Variants in FHIT observed in about 807,000 individuals in gnomAD.
The protein encoded by FHIT is bis(5'-adenosyl)-triphosphatase.
In FHIT, 19 loss-of-function variants were observed where a neutral mutation model predicts 17.9. The observed-to-expected ratio is 1.06, with a 90% CI of 0.74 to 1.56. FHIT has a LOEUF of 1.56. Among genes scored for constraint, FHIT ranks in the 40% most tolerant of loss-of-function variants. The probability of loss-of-function intolerance (pLI) is 0.00; values close to 1 mark genes in which losing one functional copy is unlikely to be tolerated. For synonymous variants in FHIT, 81 were observed against 69.7 expected (o/e 1.16, Z -0.81); for missense variants, 248 against 189.2 (o/e 1.31, Z -1.82).
At chr3:60,102,804 G>A (rs1016548655) in intron 5 of FHIT, among the ~76,000 whole-genome samples, 2 of 151,992 alleles carry the variant, frequency 1.3e-5, no homozygotes, top group East Asian at 1.9e-4. Flanking sequence ...GAATGTGCAG[G>A]ATAATTTTCA....
intron 5 of FHIT, among the ~76,000 whole-genome samples, chr3:60,328,351 GAA>G (rs1709801713): frequency 6.6e-6 from 1 of 152,174 alleles, no homozygotes; most frequent in Non-Finnish European, 1.5e-5. Flanking sequence ...TACTTTATAA[GAA>G]AAAGAGGTTT....
intron 4 of FHIT, among the ~76,000 whole-genome samples, chr3:60,627,493 G>A (rs1263158919): frequency 1.3e-5 from 2 of 152,008 alleles, no homozygotes; most frequent in Non-Finnish European, 2.9e-5. Context: ...TTTCTGCAAG[G>A]TGAGTAGTAA....
chr3:61,010,309 A>C (rs2031718447), intron 3 of FHIT, among the ~76,000 whole-genome samples: 1 of 152,214 alleles, frequency 6.6e-6, no homozygotes, highest in Non-Finnish European at 1.5e-5. Context: ...ATCCAATATT[A>C]GCCCATTAGT....
chr3:60,231,060 T>C (rs17062553), intron 5 of FHIT, among the ~76,000 whole-genome samples: 22,929 of 152,182 alleles, frequency 0.15, 1,905 homozygotes, highest in Admixed American at 0.22. Context: ...TGGCAACAAC[T>C]CGGAAATAAA....
chr3:60,414,154 C>G (rs999637060), intron 5 of FHIT, among the ~76,000 whole-genome samples: 1 of 152,260 alleles, frequency 6.6e-6, no homozygotes, highest in East Asian at 1.9e-4. Context: ...AGATGGAGCT[C>G]TAACTTAAAC....
intron 2 of FHIT, among the ~76,000 whole-genome samples, chr3:61,089,794 A>G (rs1288310865): frequency 6.6e-6 from 1 of 152,218 alleles, no homozygotes; most frequent in Non-Finnish European, 1.5e-5. Context: ...AACTATAAGA[A>G]GAGAGATTTC....
chr3:60,156,776 T>C (rs975521951), intron 5 of FHIT, among the ~76,000 whole-genome samples: 3 of 152,078 alleles, frequency 2.0e-5, no homozygotes, highest in African/African-American at 7.2e-5. Context: ...TAAAGCAAAA[T>C]GTTTGAGGAT....
intron 5 of FHIT, among the ~76,000 whole-genome samples, chr3:60,179,600 A>C (rs1307758452): frequency 6.6e-6 from 1 of 152,138 alleles, no homozygotes; most frequent in Non-Finnish European, 1.5e-5. Flanking sequence ...CTGCCAAGAC[A>C]GGAAAACTTA....
intron 5 of FHIT, among the ~76,000 whole-genome samples, chr3:60,432,077 G>A (rs1403538105): frequency 6.6e-6 from 1 of 152,066 alleles, no homozygotes; most frequent in Non-Finnish European, 1.5e-5. Context: ...CCAGACTCAA[G>A]TAATCCTCCC....
intron 5 of FHIT, among the ~76,000 whole-genome samples, chr3:60,349,148 T>A (rs1358213919): frequency 1.3e-5 from 2 of 152,184 alleles, no homozygotes; most frequent in African/African-American, 4.8e-5. Context: ...TTAAAGTAAC[T>A]AATAAAAAAT....
intron 8 of FHIT, among the ~76,000 whole-genome samples, chr3:59,758,887 C>T (rs1188500541): frequency 6.6e-6 from 1 of 151,946 alleles, no homozygotes; most frequent in Non-Finnish European, 1.5e-5. Context: ...ATGCATTGGC[C>T]TTTAATGCTT....
At chr3:60,109,668 T>A (rs1280619837) in intron 5 of FHIT, among the ~76,000 whole-genome samples, 1 of 152,202 alleles carries the variant, frequency 6.6e-6, no homozygotes, top group Admixed American at 6.5e-5. Context: ...TATGTGTACC[T>A]AAGTATCCTA....
At chr3:59,898,537 T>G (rs1249938930) in intron 8 of FHIT, among the ~76,000 whole-genome samples, 2 of 152,212 alleles carry the variant, frequency 1.3e-5, no homozygotes, top group South Asian at 2.1e-4. Context: ...GAAACAAATA[T>G]TAGATCTGGC....
chr3:60,573,161 A>C (rs2037445619), intron 4 of FHIT, among the ~76,000 whole-genome samples: 1 of 152,100 alleles, frequency 6.6e-6, no homozygotes, highest in African/African-American at 2.4e-5. Flanking sequence ...CCATTCACAA[A>C]GAGCTCAGAA....
intron 7 of FHIT, among the ~76,000 whole-genome samples, chr3:59,986,751 T>TAA (rs369620866): frequency 0.14 from 1,268 of 9,068 alleles, 363 homozygotes; most frequent in Middle Eastern, 0.33. Flanking sequence ...TATATTTATA[T>TAA]ATATATAAAT....
rs375958673 is a variant in FHIT, at chr3:59,839,700, A to ATC, written c.348+82644_348+82645dup. The stretch of plus-strand genomic sequence containing the variant: ...GATCTACTTCAATCCCAGTGCCATT[A>ATC]TCTCTCTCTACCAAACACTGCTCAG... On this transcript the variant is annotated intron_variant, in intron 8 of 9. Coordinates refer to ENST00000492590, the MANE Select transcript of FHIT (RefSeq NM_002012.4). 7.6e-4 allele frequency among the ~76,000 whole-genome samples: 116 copies of ATC among 152,196 alleles called. 1 individual carries two copies. The highest frequency in any genetic ancestry group is 2.7e-3 in the African/African-American group (111 of 41,506).
rs545349228 is a variant in FHIT at position 59,937,538 on chromosome 3, G to A, written c.280-15124C>T. Among the ~76,000 whole-genome samples the A allele has an allele frequency of 5.5e-4, 84 of 152,278 alleles. 1 individual carries two copies. Among genetic ancestry groups the A allele is most frequent in the African/African-American group, 1.9e-3 (80 of 41,562 alleles). ...TGTGAATAAATATCTCTGGGCCCAC[G>A]TGCAACATTTTAAAACTGTGCTGTT... On this transcript the variant is annotated intron_variant, in intron 7 of 9. Transcript: ENST00000492590.
intron 5 of FHIT, among the ~76,000 whole-genome samples, chr3:60,167,640 C>T (rs1443273574): frequency 6.6e-6 from 1 of 152,214 alleles, no homozygotes; most frequent in Non-Finnish European, 1.5e-5. Context: ...GCACAGTCTT[C>T]ATTAATTTCA....
intron 5 of FHIT, among the ~76,000 whole-genome samples, chr3:60,357,950 G>A (rs1487205218): frequency 6.6e-6 from 1 of 152,156 alleles, no homozygotes; most frequent in African/African-American, 2.4e-5. Flanking sequence ...ATTGTATTAT[G>A]TACAGCAGCA....
Sources: allele counts gnomAD v4.1 joint callset (sites outside exome capture counted in the v4.1 genomes callset), GRCh38; gene constraint gnomAD v4.1.1; transcripts MANE v1.5; gene names NCBI Gene and HGNC (gene_info 2026-07-23, HGNC 2026-07-21).